KIF22: variants seen among roughly 807,000 people sequenced by gnomAD.
The protein encoded by KIF22 is kinesin-like protein KIF22.
Under a neutral mutation model 73.0 loss-of-function variants are expected in KIF22, and 62 were observed. The ratio of observed to expected loss-of-function variants is 0.85; its 90% CI spans 0.69 to 1.05. The LOEUF (loss-of-function observed/expected upper bound fraction) is 1.05, where lower values mean the gene tolerates loss of function less well. Ranked by LOEUF, KIF22 falls within the 50% of genes least tolerant of loss-of-function variation. The pLI is 0.00. For missense variants in KIF22, 854 were observed against 870.1 expected (o/e 0.98, Z 0.23); for synonymous variants, 411 against 340.1 (o/e 1.21, Z -2.29).
chr16:29,803,713 T>C (rs2142379678), intron 10 of KIF22, 105 bp downstream of exon 10: 3 of 974,870 alleles, frequency 3.1e-6, no homozygotes, highest in Non-Finnish European at 3.1e-6. Flanking sequence ...TCCCACCACA[T>C]ACCAGTCCCA....
rs1899307036 is a variant in KIF22 at position 29,804,947 on chromosome 16, T to C, written c.1811T>C (p.Leu604Pro). The C allele has an allele frequency of 1.2e-6, 2 of 1,612,836 alleles. No homozygotes were observed. Among genetic ancestry groups the C allele is most frequent in the Non-Finnish European group, 1.7e-6 (2 of 1,179,732 alleles). ...CTGAACGAAGGCTCAGCCCGAGATC[T>C]CCGCAGTCTTCAGCGCATTGGCCCG... ...DLLNEGSARD[L>P]RSLQRIGPKK... The change falls in exon 12 of 14, where the codon CTC (leucine) becomes CCC (proline). Residue 604 changes from leucine to proline, a missense_variant. This residue lies in a region of KIF22 where 423 missense variants were observed against 365.4 expected (regional missense o/e 1.16). Transcript: ENST00000160827.
At chr16:29,804,385 A>G (rs1309960856) in intron 11 of KIF22, 3 of 607,372 alleles carry the variant, frequency 4.9e-6, no homozygotes, top group Non-Finnish European at 8.8e-6. Flanking sequence ...ACACATATGC[A>G]CATACCCAGA....
intron 11 of KIF22, 122 bp from the exon 12 acceptor site, chr16:29,804,692 A>T: frequency 1.3e-6 from 1 of 796,728 alleles, no homozygotes; most frequent in Non-Finnish European, 2.1e-6. Flanking sequence ...TTTTGGACAC[A>T]CTTGACAAGA....
rs1437125021 is a variant in KIF22, at chr16:29,803,542, C to A, written c.1543C>A (p.Leu515Ile). The A allele has an allele frequency of 6.2e-7, 1 of 1,614,034 alleles. No individual in the cohort carries two copies. The highest frequency in any genetic ancestry group is 8.5e-7 in the Non-Finnish European group (1 of 1,179,936). ...ENHCPTMLRP[L>I]SHRTVTGAKP... The stretch of plus-strand genomic sequence containing the variant: ...CCATTGTCCCACAATGCTCCGGCCC[C>A]TTTCACATCGCACAGTCACAGGGGC... The change falls in exon 10 of 14, where the codon CTT becomes ATT. Residue 515 changes from leucine (L) to isoleucine (I), a missense_variant. This residue lies in a region of KIF22 where 423 missense variants were observed against 365.4 expected (regional missense o/e 1.16). Transcript: ENST00000160827.
intron 1 of KIF22, chr16:29,791,039 G>A (rs1217595184): frequency 1.4e-6 from 2 of 1,422,116 alleles, no homozygotes. Flanking sequence ...CTCCCCTTGG[G>A]TCAGTAGACT....
At chr16:29,796,799 T>G (rs1380081269) in intron 1 of KIF22, 94 bp from the exon 2 acceptor site, 1 of 1,175,984 alleles carries the variant, frequency 8.5e-7, no homozygotes, top group South Asian at 1.3e-5. Flanking sequence ...TTCTCCAACA[T>G]GAGCTGTGGC....
At chr16:29,796,808 G>A in intron 1 of KIF22, 85 bp from the exon 2 acceptor site, 1 of 1,296,194 alleles carries the variant, frequency 7.7e-7, no homozygotes, top group Non-Finnish European at 1.1e-6. Context: ...ATGAGCTGTG[G>A]CCCCCAGCCC....
At chr16:29,804,237 G>A (rs1596857232) in intron 11 of KIF22, 172 bp downstream of exon 11, 1 of 643,870 alleles carries the variant, frequency 1.6e-6, no homozygotes, top group East Asian at 2.7e-5. Context: ...GTTCCTTGCA[G>A]GGCATTTAGG....
At chr16:29,799,215 G>A (rs1224978979) in intron 5 of KIF22, 31 bp downstream of exon 5, 1 of 1,610,992 alleles carries the variant, frequency 6.2e-7, no homozygotes, top group Non-Finnish European at 8.5e-7. Flanking sequence ...GAGGACCTGG[G>A]AAGCCCAGGA....
chr16:29,799,541 C>T (rs920632846), intron 6 of KIF22, 47 bp downstream of exon 6: 2 of 1,612,106 alleles, frequency 1.2e-6, no homozygotes, highest in Middle Eastern at 1.7e-4. Flanking sequence ...GAAGGAGGTT[C>T]TCAGGCCTGC....
At position 29,797,098 on chromosome 16, in the gene KIF22, A is replaced by G. The variant is rs1469640031; in HGVS notation, c.266+10A>G. The G allele has an allele frequency of 6.4e-7, 1 of 1,553,692 alleles. No homozygotes were observed. Among genetic ancestry groups the G allele is most frequent in the African/African-American group, 1.4e-5 (1 of 73,240 alleles). On this transcript the variant is annotated intron_variant, in intron 2 of 13. Transcript: ENST00000160827. The surrounding 1 kb of genome is among the most constrained non-coding windows in gnomAD (Gnocchi z 4.1). ...AGACTCTCAAATACCAGTAAGGTTC[A>G]GGCCACTCCTCTTCCCTCATGCCAT...
rs1212327327 is a variant in KIF22, at chr16:29,804,023, T to C, written c.1635T>C (p.Asn545=). 6.2e-7 allele frequency: 1 copy of C among 1,603,880 alleles called. No individual in the cohort carries two copies. The change falls in exon 11 of 14, where the codon AAT becomes AAC. Residue 545 remains asparagine (N), a synonymous_variant. Coordinates refer to ENST00000160827, the MANE Select transcript of KIF22 (RefSeq NM_007317.3). The part of the protein sequence containing the change: ...QLIQEQAASP[N]AEIHILKNKG... ...TTCAGGAGCAGGCAGCATCCCCAAA[T>C]GCCGAGATCCACATCCTGAAGAATA...
intron 1 of KIF22, among the ~76,000 whole-genome samples, chr16:29,791,804 T>A (rs1185217947): frequency 6.6e-6 from 1 of 152,196 alleles, no homozygotes; most frequent in Non-Finnish European, 1.5e-5. Flanking sequence ...GAACCTCTGC[T>A]CTTAACCATT....
intron 10 of KIF22, 106 bp from the exon 11 acceptor site, chr16:29,803,892 T>G: frequency 1.1e-6 from 1 of 885,254 alleles, no homozygotes; most frequent in South Asian, 1.4e-5. Context: ...AGGTTAACTC[T>G]GGATGGAGGG....
intron 11 of KIF22, 93 bp downstream of exon 11, chr16:29,804,158 G>A (rs1042364229): frequency 5.0e-6 from 5 of 998,524 alleles, no homozygotes; most frequent in South Asian, 1.3e-5. Context: ...GGGGTTAAAC[G>A]AACTGGATGA....
Position 29,805,177 on chromosome 16 carries a change from G to A in KIF22, c.1950+3G>A, listed in dbSNP as rs767121104. On this transcript the variant is annotated splice_donor_region_variant and intron_variant, in intron 13 of 13. Coordinates refer to ENST00000160827, the MANE Select transcript of KIF22 (RefSeq NM_007317.3). ...AACAGATGGAGTCCTTCCTGAAGGT[G>A]AAGTCACGGCCCTGCCCCTCCTCTG... 1.9e-6 allele frequency: 3 copies of A among 1,614,108 alleles called. No homozygotes were observed. The highest frequency in any genetic ancestry group is 2.5e-6 in the Non-Finnish European group (3 of 1,180,008).
Position 29,799,121 on chromosome 16 carries a change from G to A in KIF22, c.696G>A (p.Arg232=). ...ACTTCCTGCCAGCCAGTCGAAATCG[G>A]ACTGTAGGAGCCACCCGGCTCAACC... is the stretch of plus-strand genomic sequence containing the variant. ...ERHFLPASRN[R]TVGATRLNQR... is the part of the protein sequence containing the mutation. Residue 232 remains arginine, a synonymous_variant, in exon 5 of 14, where the codon CGG becomes CGA. Transcript: ENST00000160827. 1 of 1,614,090 alleles carries A rather than the reference G, an allele frequency of 6.2e-7. No homozygotes were observed. The highest frequency in any genetic ancestry group is 8.5e-7 in the Non-Finnish European group (1 of 1,180,032).
At chr16:29,800,077 C>T in intron 8 of KIF22, 29 bp downstream of exon 8, 1 of 1,590,904 alleles carries the variant, frequency 6.3e-7, no homozygotes, top group Non-Finnish European at 8.5e-7. Context: ...GGTGTATCCC[C>T]TTCCTGATGT....
intron 1 of KIF22, among the ~76,000 whole-genome samples, chr16:29,795,660 C>G (rs760055901): frequency 7.2e-5 from 11 of 152,192 alleles, no homozygotes; most frequent in Admixed American, 2.0e-4. Flanking sequence ...GAGTAATACT[C>G]TCCTTAGATA....
Sources: allele counts gnomAD v4.1 joint callset (sites outside exome capture counted in the v4.1 genomes callset), GRCh38; gene constraint gnomAD v4.1.1; regional missense constraint gnomAD v4.1.1; non-coding constraint Gnocchi (gnomAD v3.1); transcripts MANE v1.5; gene names NCBI Gene and HGNC (gene_info 2026-07-23, HGNC 2026-07-21).